The following SQOR variants were observed in gnomAD, a reference collection of about 807,000 sequenced individuals.
The protein encoded by SQOR is sulfide:quinone oxidoreductase, mitochondrial.
In SQOR, 39 loss-of-function variants were observed where a neutral mutation model predicts 48.6. That is an observed-to-expected ratio of 0.80 (90% CI 0.62 to 1.05). SQOR has a LOEUF of 1.05. Ranked by LOEUF, SQOR falls within the 50% of genes least tolerant of loss-of-function variation. The pLI, the probability that SQOR is intolerant of heterozygous loss-of-function variation, is 0.00. For synonymous variants in SQOR, 220 were observed against 206.2 expected (o/e 1.07, Z -0.57); for missense variants, 561 against 559.9 (o/e 1.00, Z -0.02).
intron 8 of SQOR, 132 bp from the exon 9 acceptor site, chr15:45,688,907 C>A (rs561410286): frequency 2.9e-6 from 2 of 688,202 alleles, no homozygotes; most frequent in African/African-American, 1.8e-5. Flanking sequence ...ACATTTTTCA[C>A]AGTACAAAAA....
intron 6 of SQOR, among the ~76,000 whole-genome samples, 160 bp from the exon 7 acceptor site, chr15:45,682,318 C>A (rs1373604547): frequency 6.6e-6 from 1 of 152,310 alleles, no homozygotes; most frequent in South Asian, 2.1e-4. Flanking sequence ...CAGGAGAACA[C>A]ATAAGATCTT....
chr15:45,670,085 T>C (rs1595504703), intron 4 of SQOR, 104 bp downstream of exon 4: 2 of 1,051,116 alleles, frequency 1.9e-6, no homozygotes, highest in East Asian at 4.8e-5. Flanking sequence ...AAAGGGGTTC[T>C]AAGAAAATCT....
intron 5 of SQOR, among the ~76,000 whole-genome samples, chr15:45,675,250 G>A (rs1005723165): frequency 5.9e-5 from 9 of 152,136 alleles, no homozygotes; most frequent in South Asian, 2.1e-4. Flanking sequence ...GATGGCCTAC[G>A]AGGAAGGTTC....
intron 3 of SQOR, among the ~76,000 whole-genome samples, chr15:45,667,494 A>G (rs1889854209): frequency 6.6e-6 from 1 of 152,116 alleles, no homozygotes; most frequent in Admixed American, 6.6e-5. Flanking sequence ...GTAACTGCTC[A>G]AAAGTCTTGT....
chr15:45,686,451 C>T (rs1890227759), intron 7 of SQOR, among the ~76,000 whole-genome samples: 1 of 152,068 alleles, frequency 6.6e-6, no homozygotes, highest in Non-Finnish European at 1.5e-5. Flanking sequence ...CGCGCCCGGC[C>T]TCATTTAATA....
chr15:45,632,293 C>T (rs1431382743), upstream of SQOR, among the ~76,000 whole-genome samples: 1 of 150,726 alleles, frequency 6.6e-6, no homozygotes, highest in Non-Finnish European at 1.5e-5. Context: ...GATCTTGGCT[C>T]ACTGCAACCT....
chr15:45,655,310 A>G (rs551960534), intron 1 of SQOR, among the ~76,000 whole-genome samples: 91 of 152,186 alleles, frequency 6.0e-4, no homozygotes, highest in Non-Finnish European at 1.1e-3. Flanking sequence ...AGATAGATAT[A>G]GTGTCAGGAC....
chr15:45,670,808 G>C (rs987923153), intron 4 of SQOR, among the ~76,000 whole-genome samples: 10 of 152,208 alleles, frequency 6.6e-5, no homozygotes, highest in African/African-American at 2.4e-4. Context: ...GAAGCTACAA[G>C]TTGTTGTGAA....
chr15:45,676,483 A>G lies in SQOR; in HGVS notation c.864+173A>G, dbSNP rs377392789. Among the ~76,000 whole-genome samples, 72 of 152,292 alleles carry G rather than the reference A, an allele frequency of 4.7e-4. No homozygotes were observed. In the South Asian group the frequency reaches 0.015, roughly 32 times the overall value. ...GAAGGTAGGCCAAAATGGTTGGGGA[A>G]GAGAAAGATGTAAGAGGCTGTGTCA... On this transcript the variant is annotated intron_variant, in intron 6 of 9. Transcript: ENST00000260324.
intron 5 of SQOR, 51 bp from the exon 6 acceptor site, chr15:45,676,050 A>AAG (rs1555401928): frequency 1.9e-5 from 29 of 1,525,168 alleles, no homozygotes; most frequent in Non-Finnish European, 2.4e-5. Flanking sequence ...AAAAAAAAAA[A>AAG]AGGCAGCTGC....
intron 1 of SQOR, among the ~76,000 whole-genome samples, chr15:45,647,231 A>G (rs1385456439): frequency 2.6e-5 from 4 of 152,128 alleles, no homozygotes; most frequent in Admixed American, 6.5e-5. Context: ...TCTGGGCAAC[A>G]GAGTGAAACT....
chr15:45,680,521 T>A (rs958570724), intron 6 of SQOR, among the ~76,000 whole-genome samples: 4 of 152,118 alleles, frequency 2.6e-5, no homozygotes, highest in Non-Finnish European at 5.9e-5. Context: ...AAGCAAGCCA[T>A]CCTCCTACCT....
At chr15:45,657,769 A>T (rs1029162157) in intron 1 of SQOR, among the ~76,000 whole-genome samples, 1 of 152,164 alleles carries the variant, frequency 6.6e-6, no homozygotes, top group African/African-American at 2.4e-5. Flanking sequence ...TGATATAATT[A>T]AGTCATTTTA....
intron 1 of SQOR, among the ~76,000 whole-genome samples, chr15:45,642,989 C>T (rs1895132476): frequency 2.0e-5 from 3 of 152,200 alleles, no homozygotes; most frequent in African/African-American, 7.2e-5. Flanking sequence ...TGTTTCTCCT[C>T]CAACAGGAGG....
At chr15:45,661,862 G>A in intron 2 of SQOR, 93 bp from the exon 3 acceptor site, 1 of 1,310,470 alleles carries the variant, frequency 7.6e-7, no homozygotes. Flanking sequence ...GGTCAGGAGG[G>A]AGTGATTGAA....
At chr15:45,666,025 G>A (rs1309545189) in intron 3 of SQOR, among the ~76,000 whole-genome samples, 1 of 152,046 alleles carries the variant, frequency 6.6e-6, no homozygotes, top group African/African-American at 2.4e-5. Flanking sequence ...AAGGCCCTGT[G>A]TAGACTGGTC....
chr15:45,682,692 T>C (rs1432637129), intron 7 of SQOR, 31 bp downstream of exon 7: 1 of 1,607,620 alleles, frequency 6.2e-7, no homozygotes, highest in Non-Finnish European at 8.5e-7. Context: ...TCTCCCTTTC[T>C]CAAAAATATG....
At chr15:45,642,624 C>T (rs1359918335) in intron 1 of SQOR, among the ~76,000 whole-genome samples, 2 of 152,158 alleles carry the variant, frequency 1.3e-5, no homozygotes, top group Non-Finnish European at 2.9e-5. Flanking sequence ...CGCTAGACTG[C>T]CCTCCTTTAT....
rs778607394 is a variant in SQOR at position 45,688,434 on chromosome 15, C to G, written c.1116+30C>G. On this transcript the variant is annotated intron_variant, in intron 8 of 9. Transcript: ENST00000260324. ...GTATGCCTTGTAAGAATCACTGTCT[C>G]AATGATCATCTTCCATTCTGTGTAA... 3.7e-5 allele frequency: 54 copies of G among 1,465,792 alleles called. No homozygotes were observed. The Middle Eastern group carries it at 8.7e-4, about 24-fold the overall frequency. 90.8% of individuals were successfully genotyped at this position (1,465,792 alleles called of 1,614,324 possible). A position where few individuals can be genotyped will look rare whatever the true frequency, so the allele number is the denominator to read the frequency against.
Sources: gnomAD v4.1 joint callset for allele counts (sites outside exome capture counted in the v4.1 genomes callset) on GRCh38, gnomAD v4.1.1 for gene constraint, MANE v1.5 for transcripts, NCBI Gene and HGNC (gene_info 2026-07-23, HGNC 2026-07-21) for gene names.